The following MYLK variants were observed in gnomAD, a reference collection of about 807,000 sequenced individuals.
The protein encoded by MYLK is myosin light chain kinase, smooth muscle.
Under a neutral mutation model 203.4 loss-of-function variants are expected in MYLK, and 106 were observed. That is an observed-to-expected ratio of 0.52 (90% CI 0.45 to 0.61). The LOEUF is 0.61. Ranked by LOEUF, MYLK falls within the 20% of genes least tolerant of loss-of-function variation. MYLK has a pLI of 0.00. For missense variants in MYLK, 2,072 were observed against 2,442.3 expected, an observed-to-expected ratio of 0.85 and a Z score of 3.20; for synonymous variants, 867 against 959.5, an observed-to-expected ratio of 0.90 and a Z score of 1.78.
At chr3:123,795,883 A>G (rs1057423017) in intron 3 of MYLK, among the ~76,000 whole-genome samples, 1 of 152,232 alleles carries the variant, frequency 6.6e-6, no homozygotes, top group Non-Finnish European at 1.5e-5. Flanking sequence ...CAAATGAACA[A>G]TGCTCTCTGG....
intron 14 of MYLK, 68 bp downstream of exon 14, chr3:123,709,688 A>T (rs576588802): frequency 6.9e-5 from 110 of 1,599,168 alleles, no homozygotes; most frequent in Middle Eastern, 2.3e-4. Flanking sequence ...GGGTCCTCGG[A>T]GAGCAATACC....
Position 123,620,104 on chromosome 3 carries a change from T to TAA in MYLK, c.5368+101_5368+102dup, listed in dbSNP as rs371409878. The TAA allele has an allele frequency of 1.2e-3, 1,145 of 989,402 alleles. 4 individuals carry two copies. The highest frequency in any genetic ancestry group is 4.9e-3 in the East Asian group (182 of 37,254). The allele number at this position is 989,402 out of a possible 1,614,324, so 61.3% of individuals were successfully genotyped here. A position where few individuals can be genotyped will look rare whatever the true frequency, so the allele number is the denominator to read the frequency against. On this transcript the variant is annotated intron_variant, in intron 32 of 33. Coordinates refer to ENST00000360304, the MANE Select transcript of MYLK (RefSeq NM_053025.4). Reference sequence around the variant, plus strand: ...CTGAATTTATCCTTGCAGGGAATATTAAAATAAAAAAAAAAAGAACAAAAC... The same window carrying TAA: ...CTGAATTTATCCTTGCAGGGAATATTAAAAAATAAAAAAAAAAAGAACAAAAC...
intron 2 of MYLK, among the ~76,000 whole-genome samples, chr3:123,833,586 T>G (rs1460178901): frequency 1.3e-5 from 2 of 152,160 alleles, no homozygotes; most frequent in African/African-American, 4.8e-5. Context: ...CCCAGCTGAT[T>G]AGGCCACATC....
chr3:123,738,808 T>A, intron 7 of MYLK, 89 bp downstream of exon 7: 2 of 1,511,236 alleles, frequency 1.3e-6, no homozygotes, highest in Non-Finnish European at 1.8e-6. Flanking sequence ...CTTTCCTTCA[T>A]AAATTACCCA....
chr3:123,614,455 G>C, intron 33 of MYLK, 106 bp from the exon 34 acceptor site: 1 of 1,419,964 alleles, frequency 7.0e-7, no homozygotes, highest in South Asian at 1.2e-5. Context: ...AGGTGGTTAA[G>C]GAGAAAATTT....
chr3:123,711,038 C>A (rs2108659950), intron 13 of MYLK, among the ~76,000 whole-genome samples: 1 of 152,056 alleles, frequency 6.6e-6, no homozygotes, highest in South Asian at 2.1e-4. Flanking sequence ...CTGCAGTAAG[C>A]CATGATCACA....
At position 123,812,723 on chromosome 3, in the gene MYLK, T is replaced by C. The variant is rs1441118451; in HGVS notation, c.-4+18825A>G. On this transcript the variant is annotated intron_variant, in intron 3 of 33. Transcript: ENST00000360304. ...ATGCAGGGCCAACTGTTAATCTGTTTGTTCACACATCCAGTCAGCTGTGCC... is the reference window on the plus strand; with the variant it reads ...ATGCAGGGCCAACTGTTAATCTGTTCGTTCACACATCCAGTCAGCTGTGCC... Among the ~76,000 whole-genome samples, 3 of 152,362 alleles carry C rather than the reference T, an allele frequency of 2.0e-5. No homozygotes were observed. In the East Asian group the frequency reaches 5.8e-4, roughly 29 times the overall value.
intron 4 of MYLK, among the ~76,000 whole-genome samples, chr3:123,784,387 T>C (rs1165370999): frequency 3.4e-5 from 5 of 148,252 alleles, no homozygotes; most frequent in East Asian, 2.0e-4. Context: ...TTTTTTTTTT[T>C]TTTTTTTTTT....
At chr3:123,645,797 G>A (rs1291012579) in intron 27 of MYLK, among the ~76,000 whole-genome samples, 1 of 152,236 alleles carries the variant, frequency 6.6e-6, no homozygotes, top group Non-Finnish European at 1.5e-5. Context: ...CTGTGAGAAT[G>A]AGGAAGCTCA....
chr3:123,880,396 A>G (rs1452830405), intron 1 of MYLK, among the ~76,000 whole-genome samples: 1 of 152,206 alleles, frequency 6.6e-6, no homozygotes, highest in Non-Finnish European at 1.5e-5. Context: ...GGTTCCCCCA[A>G]AGATTATGAG....
Position 123,688,848 on chromosome 3 carries a change from C to T in MYLK, c.3565+3887G>A, listed in dbSNP as rs376736001. 8.5e-5 allele frequency among the ~76,000 whole-genome samples: 13 copies of T among 152,210 alleles called. 1 individual carries two copies. The highest frequency in any genetic ancestry group is 4.6e-4 in the Admixed American group (7 of 15,300). ...CTCAGAGGGGCCTCAGTGACCACCC[C>T]CTCCAAAAATGGTATTCTCTCCCCC... On this transcript the variant is annotated intron_variant, in intron 19 of 33. Transcript: ENST00000360304.
intron 19 of MYLK, chr3:123,692,491 G>A (rs41459247): frequency 9.9e-7 from 1 of 1,011,374 alleles, no homozygotes; most frequent in African/African-American, 1.6e-5. Context: ...TCAGGACTGG[G>A]AGGGGGACAG....
chr3:123,850,261 T>C (rs1197563693), intron 2 of MYLK, among the ~76,000 whole-genome samples: 1 of 152,176 alleles, frequency 6.6e-6, no homozygotes, highest in African/African-American at 2.4e-5. Context: ...ATATACCGAG[T>C]AATGGGATGG....
chr3:123,670,211 C>T (rs375959302), intron 20 of MYLK, among the ~76,000 whole-genome samples: 2 of 151,920 alleles, frequency 1.3e-5, no homozygotes, highest in Non-Finnish European at 2.9e-5. Flanking sequence ...ATTCAGTCAA[C>T]GTGATGTGGC....
chr3:123,671,716 G>A (rs546425633), intron 20 of MYLK, among the ~76,000 whole-genome samples: 1 of 152,316 alleles, frequency 6.6e-6, no homozygotes, highest in East Asian at 1.9e-4. Context: ...CTTCTGAGGT[G>A]AGAGAAGAGA....
intron 20 of MYLK, among the ~76,000 whole-genome samples, chr3:123,678,711 G>A (rs1396043403): frequency 6.6e-6 from 1 of 151,884 alleles, no homozygotes; most frequent in African/African-American, 2.4e-5. Context: ...TGGGACTGGG[G>A]ATGGCAAAGC....
intron 5 of MYLK, among the ~76,000 whole-genome samples, chr3:123,742,927 TAGAG>T (rs1394676221): frequency 6.6e-6 from 1 of 152,034 alleles, no homozygotes; most frequent in Non-Finnish European, 1.5e-5. Flanking sequence ...GGCAAATCCA[TAGAG>T]AAAGATGGTG....
At chr3:123,682,054 T>C (rs2060283812) in intron 20 of MYLK, 170 bp downstream of exon 20, 1 of 682,870 alleles carries the variant, frequency 1.5e-6, no homozygotes, top group Non-Finnish European at 2.7e-6. Context: ...GGCCACTGGC[T>C]CTGTTATTGG....
chr3:123,684,707 C>T (rs761509796), intron 19 of MYLK, among the ~76,000 whole-genome samples: 3 of 152,108 alleles, frequency 2.0e-5, no homozygotes, highest in South Asian at 4.1e-4. Flanking sequence ...ACTAATTTTT[C>T]GTATTTTCAG....
Sources: gnomAD v4.1 joint callset for allele counts (sites outside exome capture counted in the v4.1 genomes callset) on GRCh38, gnomAD v4.1.1 for gene constraint, MANE v1.5 for transcripts, NCBI Gene and HGNC (gene_info 2026-07-23, HGNC 2026-07-21) for gene names.